Variants in CFAP418 observed in about 807,000 individuals in gnomAD.
The protein encoded by CFAP418 is cilia- and flagella-associated protein 418.
CFAP418 carries 27 observed loss-of-function variants against 24.7 expected under a neutral mutation model. The observed-to-expected ratio is 1.09, with a 90% confidence interval of 0.81 to 1.51. The LOEUF (loss-of-function observed/expected upper bound fraction) is 1.51, where lower values mean the gene tolerates loss of function less well. Among genes scored for constraint, CFAP418 ranks in the 40% most tolerant of loss-of-function variants. CFAP418 has a pLI of 0.00. For synonymous variants in CFAP418, 74 were observed against 87.3 expected (o/e 0.85, Z 0.85); for missense variants, 257 against 255.2 (o/e 1.01, Z -0.05).
intron 2 of CFAP418, 61 bp downstream of exon 2, chr8:95,263,626 T>G: frequency 9.6e-7 from 1 of 1,043,176 alleles, no homozygotes; most frequent in Non-Finnish European, 1.5e-6. Context: ...TCTTTAAGAC[T>G]ATTCTAAACA....
chr8:95,260,513 G>T lies in CFAP418; in HGVS notation c.263C>A (p.Ser88Ter). ...GGAAGCTCTGACAGATGTGTTACCTGAAGATTTAGATTTTAATTTCTGTTA... is the reference window on the plus strand; with the variant it reads ...GGAAGCTCTGACAGATGTGTTACCTTAAGATTTAGATTTTAATTTCTGTTA... Reference protein sequence around the residue: ...KKPSKLKSKSSGNTSVRASIE... With the variant: ...KKPSKLKSKS The change falls in exon 3 of 6, where the codon TCA (serine) becomes TAA (stop). Residue 88 changes from serine to a stop codon, truncating the protein, a stop_gained. Coordinates refer to ENST00000286688, the MANE Select transcript of CFAP418 (RefSeq NM_177965.4). LOFTEE classifies it high-confidence loss of function. 6.3e-7 allele frequency: 1 copy of T among 1,583,236 alleles called. No individual in the cohort carries two copies. Among genetic ancestry groups the T allele is most frequent in the Non-Finnish European group, 8.5e-7 (1 of 1,170,110 alleles).
chr8:95,253,293 A>G lies in CFAP418; in HGVS notation c.375-1010T>C, dbSNP rs1054083520. 2.0e-5 allele frequency among the ~76,000 whole-genome samples: 3 copies of G among 151,668 alleles called. No homozygotes were observed. The East Asian group carries it at 5.8e-4, about 30-fold the overall frequency. On this transcript the variant is annotated intron_variant, in intron 4 of 5. Coordinates refer to ENST00000286688, the MANE Select transcript of CFAP418 (RefSeq NM_177965.4). ...CCACTGCACTCCAGCCTGGGCGACA[A>G]AGCGAGACTCTGTCTCAAAAAAAAA...
At chr8:95,262,480 A>G (rs1811909323) in intron 2 of CFAP418, among the ~76,000 whole-genome samples, 1 of 151,764 alleles carries the variant, frequency 6.6e-6, no homozygotes, top group South Asian at 2.1e-4. Context: ...AAAAAACAAA[A>G]CCCTGGTACT....
intron 1 of CFAP418, among the ~76,000 whole-genome samples, chr8:95,266,220 G>A (rs1811977459): frequency 6.6e-6 from 1 of 152,102 alleles, no homozygotes; most frequent in African/African-American, 2.4e-5. Flanking sequence ...ATAAATGTTG[G>A]CTGTTATTAT....
intron 4 of CFAP418, among the ~76,000 whole-genome samples, chr8:95,252,708 T>A (rs1340040735): frequency 6.6e-6 from 1 of 152,238 alleles, no homozygotes; most frequent in Non-Finnish European, 1.5e-5. Context: ...AATCTGTTTT[T>A]CAGATAAGCT....
intron 4 of CFAP418, among the ~76,000 whole-genome samples, chr8:95,258,151 G>C (rs1316102502): frequency 1.3e-5 from 2 of 152,118 alleles, no homozygotes; most frequent in East Asian, 3.9e-4. Flanking sequence ...GGGAGGCCGA[G>C]GAGAACAGAT....
rs996701472 is a variant in CFAP418, at chr8:95,245,774, T to C, written c.*1843A>G. On this transcript the variant is annotated 3_prime_UTR_variant, in exon 6 of 6. Transcript: ENST00000286688. ...TTTTTTTTTCAAATTAGTGATTTAG[T>C]AAATTTGCTTACTGGAATAAAAAAG... The C allele has an allele frequency of 2.0e-5, 3 of 152,104 alleles. No individual in the cohort carries two copies. The highest frequency in any genetic ancestry group is 7.2e-5 in the African/African-American group (3 of 41,396). The allele number at this position is 152,104 out of a possible 1,614,324, so 9.4% of individuals were successfully genotyped here.
At chr8:95,265,070 C>G (rs1048370245) in intron 1 of CFAP418, among the ~76,000 whole-genome samples, 5 of 152,086 alleles carry the variant, frequency 3.3e-5, no homozygotes, top group Admixed American at 3.3e-4. Context: ...TAATCCTAGG[C>G]GGGGGTTTCT....
At chr8:95,268,905 G>A (rs976837531) in intron 1 of CFAP418, 130 bp downstream of exon 1, 49 of 1,007,086 alleles carry the variant, frequency 4.9e-5, no homozygotes, top group Non-Finnish European at 7.1e-5. Flanking sequence ...GGCGCTGAGG[G>A]TCTGAACCCT....
chr8:95,261,027 G>T (rs13270004), intron 2 of CFAP418, among the ~76,000 whole-genome samples: 44,974 of 152,050 alleles, frequency 0.3, 7,073 homozygotes, highest in Non-Finnish European at 0.36. Context: ...CAATAAATGT[G>T]CAAGGAAAAT....
intron 1 of CFAP418, 31 bp from the exon 2 acceptor site, chr8:95,263,805 A>G (rs770746137): frequency 1.5e-6 from 2 of 1,351,574 alleles, no homozygotes; most frequent in Non-Finnish European, 2.1e-6. Flanking sequence ...AAGAAAACTT[A>G]CCTGAGGTTT....
intron 5 of CFAP418, among the ~76,000 whole-genome samples, chr8:95,247,995 C>T (rs770748523): frequency 8.5e-5 from 13 of 152,200 alleles, no homozygotes; most frequent in Non-Finnish European, 1.8e-4. Context: ...GCATGTGCCA[C>T]TATGCCCGGC....
chr8:95,260,898 G>C (rs901960039), intron 2 of CFAP418, among the ~76,000 whole-genome samples: 2 of 151,948 alleles, frequency 1.3e-5, no homozygotes, highest in African/African-American at 4.8e-5. Context: ...CAATTGAGGA[G>C]GAAAAAAACC....
chr8:95,257,396 G>A (rs1466334329), intron 4 of CFAP418, among the ~76,000 whole-genome samples: 2 of 152,170 alleles, frequency 1.3e-5, no homozygotes, highest in Admixed American at 6.5e-5. Context: ...GCTGCCTGGT[G>A]TTCCCATATA....
chr8:95,248,141 C>T (rs1332650005), intron 5 of CFAP418, among the ~76,000 whole-genome samples: 3 of 152,280 alleles, frequency 2.0e-5, no homozygotes, highest in African/African-American at 4.8e-5. Context: ...GGTGCCCAGC[C>T]TATTTTCTTA....
At chr8:95,255,246 ACT>A (rs1811769269) in intron 4 of CFAP418, among the ~76,000 whole-genome samples, 1 of 151,458 alleles carries the variant, frequency 6.6e-6, no homozygotes, top group Admixed American at 6.6e-5. Flanking sequence ...ATGTCCCTCC[ACT>A]CTCTCTCCAG....
intron 4 of CFAP418, among the ~76,000 whole-genome samples, chr8:95,255,683 C>A (rs1022039546): frequency 6.6e-6 from 1 of 152,220 alleles, no homozygotes; most frequent in African/African-American, 2.4e-5. Flanking sequence ...TAGGACCTAT[C>A]AGGTGGTTAA....
chr8:95,267,501 T>C (rs1812011431), intron 1 of CFAP418, among the ~76,000 whole-genome samples: 1 of 152,146 alleles, frequency 6.6e-6, no homozygotes, highest in Non-Finnish European at 1.5e-5. Context: ...CTCGGGAGGC[T>C]GAGGCAGGGG....
chr8:95,261,993 G>T (rs1287934651), intron 2 of CFAP418, among the ~76,000 whole-genome samples: 2 of 152,220 alleles, frequency 1.3e-5, no homozygotes, highest in Non-Finnish European at 2.9e-5. Flanking sequence ...TATTTAGGAA[G>T]TATTCTATTT....
Sources: allele counts gnomAD v4.1 joint callset (sites outside exome capture counted in the v4.1 genomes callset), GRCh38; gene constraint gnomAD v4.1.1; transcripts MANE v1.5; gene names NCBI Gene and HGNC (gene_info 2026-07-23, HGNC 2026-07-21).